PPP2R2D: variants seen among roughly 807,000 people sequenced by gnomAD.
The protein encoded by PPP2R2D is serine/threonine-protein phosphatase 2A 55 kDa regulatory subunit B delta isoform.
A neutral mutation model predicts 31.1 loss-of-function variants in PPP2R2D; 9 were observed. The observed-to-expected ratio is 0.29, with a 90% CI of 0.17 to 0.51. The LOEUF (loss-of-function observed/expected upper bound fraction) is 0.51. Ranked by LOEUF, PPP2R2D falls within the 20% of genes least tolerant of loss-of-function variation. The pLI, the probability that PPP2R2D is intolerant of heterozygous loss-of-function variation, is 0.98. For synonymous variants in PPP2R2D, 179 were observed against 172.6 expected (o/e 1.04, Z -0.29); for missense variants, 391 against 465.6 (o/e 0.84, Z 1.48).
At chr10:131,917,082 A>T (rs1199422817) in intron 2 of PPP2R2D, among the ~76,000 whole-genome samples, 1 of 145,246 alleles carries the variant, frequency 6.9e-6, no homozygotes, top group East Asian at 2.1e-4. Context: ...CAGTGTTTGT[A>T]GGGACCTCAC....
chr10:131,943,225 T>C (rs1554897439), intron 5 of PPP2R2D, among the ~76,000 whole-genome samples: 2 of 152,174 alleles, frequency 1.3e-5, no homozygotes, highest in Non-Finnish European at 2.9e-5. Context: ...CTCCTCTCTG[T>C]CCTTTCTATT....
At chr10:131,940,462 A>G in intron 4 of PPP2R2D, 120 bp from the exon 5 acceptor site, 1 of 611,898 alleles carries the variant, frequency 1.6e-6, no homozygotes, top group South Asian at 2.1e-5. Context: ...TCATGTTCAG[A>G]GACCCCATAG....
chr10:131,940,751 A>G (rs180775261), intron 5 of PPP2R2D, 57 bp downstream of exon 5: 2 of 720,728 alleles, frequency 2.8e-6, no homozygotes, highest in Admixed American at 4.1e-5. Context: ...TAAACGTTTC[A>G]GTCTGCTGTC....
chr10:131,907,612 G>A lies in PPP2R2D; in HGVS notation c.100+6282G>A, dbSNP rs993874877. Among the ~76,000 whole-genome samples the A allele has an allele frequency of 7.2e-5, 11 of 151,974 alleles. 1 individual carries two copies. The South Asian group carries it at 8.3e-4, about 11-fold the overall frequency. On this transcript the variant is annotated intron_variant, in intron 2 of 8. Coordinates refer to ENST00000455566, the MANE Select transcript of PPP2R2D (RefSeq NM_018461.5). ...CAAAAAATCAGCTGGGTGTGGTCGC[G>A]GGCACCTGTAGTCCCAGCTACTGGG... is the stretch of plus-strand genomic sequence containing the variant.
At chr10:131,927,577 G>T (rs1376273217) in intron 2 of PPP2R2D, among the ~76,000 whole-genome samples, 2 of 152,020 alleles carry the variant, frequency 1.3e-5, no homozygotes, top group East Asian at 1.9e-4. Flanking sequence ...ACTGACTGTC[G>T]CCCAGCAAAG....
chr10:131,934,703 A>T, intron 3 of PPP2R2D, 148 bp downstream of exon 3: 1 of 646,204 alleles, frequency 1.5e-6, no homozygotes, highest in Non-Finnish European at 2.8e-6. Flanking sequence ...TCCTTTCAGA[A>T]ATTATCTAAG....
chr10:131,923,722 TA>T (rs1397245782), intron 2 of PPP2R2D, among the ~76,000 whole-genome samples: 4 of 152,172 alleles, frequency 2.6e-5, no homozygotes, highest in Non-Finnish European at 1.5e-5. Context: ...CATTTATATA[TA>T]TATATTTTTG....
chr10:131,967,945 C>T, the PPP2R2D span: 44,041 of 152,062 alleles, frequency 0.29, 6,538 homozygotes, highest in East Asian at 0.45. Flanking sequence ...GTTTAGTGTA[C>T]GAACTGTACA....
intron 2 of PPP2R2D, among the ~76,000 whole-genome samples, chr10:131,924,668 A>G (rs2036065691): frequency 6.6e-6 from 1 of 150,652 alleles, no homozygotes; most frequent in South Asian, 2.1e-4. Context: ...CTTCCATATG[A>G]TTCTAGAATT....
intron 2 of PPP2R2D, among the ~76,000 whole-genome samples, chr10:131,918,606 G>A (rs2035880069): frequency 6.7e-6 from 1 of 148,416 alleles, no homozygotes; most frequent in Admixed American, 6.7e-5. Context: ...TGGAGTGACA[G>A]TGTTTGTAGG....
At chr10:131,971,291 C>A in the PPP2R2D span, 2 of 342,118 alleles carry the variant, frequency 5.8e-6, no homozygotes, top group Non-Finnish European at 5.5e-6. Context: ...AGGGAAGTCA[C>A]GTGACATGAG....
intron 2 of PPP2R2D, among the ~76,000 whole-genome samples, chr10:131,932,646 C>CAAAAA (rs368610703): frequency 7.3e-4 from 42 of 57,812 alleles, no homozygotes; most frequent in African/African-American, 1.6e-3. Flanking sequence ...CAGCCTGTCT[C>CAAAAA]AAAAAAAAAA....
At chr10:131,960,395 T>G (rs1161024160), downstream of PPP2R2D, among the ~76,000 whole-genome samples, 1 of 152,212 alleles carries the variant, frequency 6.6e-6, no homozygotes, top group Non-Finnish European at 1.5e-5. Context: ...GAACACACTT[T>G]CTTCGTAAGT....
intron 8 of PPP2R2D, among the ~76,000 whole-genome samples, chr10:131,948,041 A>G (rs1375832992): frequency 6.6e-6 from 1 of 152,246 alleles, no homozygotes; most frequent in African/African-American, 2.4e-5. Flanking sequence ...CAGGCCGGCT[A>G]TGTGTTAAAT....
In PPP2R2D at chr10:131,945,187, C is replaced by T; in HGVS notation, c.656-108C>T. The T allele has an allele frequency of 7.5e-7, 1 of 1,339,902 alleles. No homozygotes were observed. The highest frequency in any genetic ancestry group is 1.0e-6 in the Non-Finnish European group (1 of 977,188). The allele number at this position is 1,339,902 out of a possible 1,614,324, so 83.0% of individuals were successfully genotyped here. On this transcript the variant is annotated intron_variant, in intron 6 of 8. Coordinates refer to ENST00000455566, the MANE Select transcript of PPP2R2D (RefSeq NM_018461.5). The surrounding 1 kb of genome is among the most constrained non-coding windows in gnomAD (Gnocchi z 4.8). Reference sequence around the variant, plus strand: ...AACCAGCCTTCTTAATAGCTAATCCCTTAAACCTCACTGCGTGGATTATTT... The same window carrying T: ...AACCAGCCTTCTTAATAGCTAATCCTTTAAACCTCACTGCGTGGATTATTT...
the PPP2R2D span, chr10:131,970,233 G>A: frequency 1.2e-4 from 25 of 202,930 alleles, no homozygotes; most frequent in Non-Finnish European, 2.5e-4. This position sits in a 1 kb window ranked among gnomAD's most constrained non-coding sequence, Gnocchi z 4.1. Context: ...TAGAACAACA[G>A]TCCTGTCTGG....
rs143068078 is a variant in PPP2R2D, at chr10:131,928,057, G to A, written c.101-6401G>A. 9.2e-4 allele frequency among the ~76,000 whole-genome samples: 140 copies of A among 152,264 alleles called. 1 individual carries two copies. The highest frequency in any genetic ancestry group is 3.2e-3 in the African/African-American group (131 of 41,546). ...CATGTTTGCTCCAGGAGCTGTCTAC[G>A]AGAGCTGCCGTGGATACCTGGAAAA... On this transcript the variant is annotated intron_variant, in intron 2 of 8. Coordinates refer to ENST00000455566, the MANE Select transcript of PPP2R2D (RefSeq NM_018461.5).
chr10:131,902,890 C>T (rs1287693024), intron 2 of PPP2R2D, among the ~76,000 whole-genome samples: 13 of 152,114 alleles, frequency 8.5e-5, no homozygotes, highest in African/African-American at 3.1e-4. Context: ...GTAGCTAGGA[C>T]CACACACACG....
intron 2 of PPP2R2D, among the ~76,000 whole-genome samples, chr10:131,929,991 G>A (rs1196144450): frequency 2.0e-5 from 3 of 152,128 alleles, no homozygotes; most frequent in African/African-American, 4.8e-5. Context: ...TATGGCAACC[G>A]ATGATTCCGC....
Sources: gnomAD v4.1 joint callset for allele counts (sites outside exome capture counted in the v4.1 genomes callset) on GRCh38, gnomAD v4.1.1 for gene constraint, Gnocchi (gnomAD v3.1) non-coding constraint, MANE v1.5 for transcripts, NCBI Gene and HGNC (gene_info 2026-07-23, HGNC 2026-07-21) for gene names.